Variants in SLC28A1 observed in about 807,000 individuals in gnomAD.
The protein encoded by SLC28A1 is solute carrier family 28 member 1.
In SLC28A1, 64 loss-of-function variants were observed where a neutral mutation model predicts 74.8. The observed-to-expected ratio is 0.86, with a 90% CI of 0.70 to 1.05. The LOEUF (loss-of-function observed/expected upper bound fraction) is 1.05. Ranked by LOEUF, SLC28A1 falls within the 50% of genes least tolerant of loss-of-function variation. SLC28A1 has a pLI of 0.00. For missense variants in SLC28A1, 828 were observed against 822.8 expected (o/e 1.01, Z -0.08); for synonymous variants, 359 against 335.0 (o/e 1.07, Z -0.78).
chr15:84,894,085 G>C lies in SLC28A1; in HGVS notation c.278-855G>C, dbSNP rs1359804191. On this transcript the variant is annotated intron_variant, in intron 5 of 18. Coordinates refer to ENST00000394573, the MANE Select transcript of SLC28A1 (RefSeq NM_004213.5). ...CTGGATTCTGAAATTCAAAAGCCAG[G>C]GAGAGGCCGGGCGCGGTGGCTTACG... Among the ~76,000 whole-genome samples, 7 of 152,238 alleles carry C rather than the reference G, an allele frequency of 4.6e-5. No homozygotes were observed. The East Asian group carries it at 1.4e-3, about 29-fold the overall frequency.
chr15:84,913,631 A>G (rs1968667470), intron 9 of SLC28A1, among the ~76,000 whole-genome samples: 1 of 152,252 alleles, frequency 6.6e-6, no homozygotes, highest in Non-Finnish European at 1.5e-5. Flanking sequence ...CCACTGGCCT[A>G]GAAGAGCTAG....
chr15:84,926,750 G>C (rs1970552931), intron 12 of SLC28A1, among the ~76,000 whole-genome samples: 2 of 140,916 alleles, frequency 1.4e-5, no homozygotes, highest in Admixed American at 7.1e-5. Flanking sequence ...CCTGCCTTCT[G>C]GCTCTCTGCC....
At chr15:84,901,463 T>C (rs4644833) in intron 6 of SLC28A1, among the ~76,000 whole-genome samples, 48,242 of 151,936 alleles carry the variant, frequency 0.32, 8,779 homozygotes, top group South Asian at 0.56. Flanking sequence ...GCCAGGATCT[T>C]GTGCCTCTGC....
In SLC28A1 at chr15:84,888,753, G is replaced by C. The variant is rs754536603; in HGVS notation, c.97-19G>C. 6 of 1,545,012 alleles carry C rather than the reference G, an allele frequency of 3.9e-6. No individual in the cohort carries two copies. Among genetic ancestry groups the C allele is most frequent in the Non-Finnish European group, 5.3e-6 (6 of 1,141,356 alleles). ...TGGGTAAGGGGCAGGCCGACCTGACGGCTCCCTGCGGGCTGTAGGAGGAAG... is the reference window on the plus strand; with the variant it reads ...TGGGTAAGGGGCAGGCCGACCTGACCGCTCCCTGCGGGCTGTAGGAGGAAG... On this transcript the variant is annotated intron_variant, in intron 3 of 18. Coordinates refer to ENST00000394573, the MANE Select transcript of SLC28A1 (RefSeq NM_004213.5).
At chr15:84,923,287 C>T (rs183838564) in intron 11 of SLC28A1, among the ~76,000 whole-genome samples, 76 of 152,246 alleles carry the variant, frequency 5.0e-4, no homozygotes, top group African/African-American at 1.7e-3. Context: ...CACATATCTT[C>T]ATAGCTTTCA....
intron 12 of SLC28A1, among the ~76,000 whole-genome samples, chr15:84,931,721 C>T (rs1045236576): frequency 1.4e-4 from 20 of 147,832 alleles, no homozygotes; most frequent in Non-Finnish European, 2.5e-4. Context: ...AAAAGAAAAT[C>T]GGCCGGGGAT....
At chr15:84,906,573 T>TGCTTCCTTCCTTC (rs1567140724) in intron 8 of SLC28A1, among the ~76,000 whole-genome samples, 1 of 97,978 alleles carries the variant, frequency 1.0e-5, no homozygotes, top group African/African-American at 3.6e-5. Context: ...TCTCTTTCTT[T>TGCTTCCTTCCTTC]CTTCCTTCCT....
chr15:84,908,593 C>CT, intron 8 of SLC28A1, 125 bp from the exon 9 acceptor site: 1 of 772,672 alleles, frequency 1.3e-6, no homozygotes, highest in South Asian at 1.4e-5. Context: ...TGGTGCCCCC[C>CT]CCCGGATAAG....
chr15:84,950,671 C>G (rs2079389421), downstream of SLC28A1, among the ~76,000 whole-genome samples: 1 of 152,126 alleles, frequency 6.6e-6, no homozygotes, highest in Non-Finnish European at 1.5e-5. Context: ...CACCACTGCA[C>G]TCCAGCCTGG....
At chr15:84,930,025 G>T (rs1015972808) in intron 12 of SLC28A1, among the ~76,000 whole-genome samples, 48 of 152,234 alleles carry the variant, frequency 3.2e-4, no homozygotes, top group African/African-American at 1.2e-3. Flanking sequence ...AGGGAGCCCT[G>T]CCTGTGCAGG....
At chr15:84,939,814 A>G (rs533366539) in intron 15 of SLC28A1, 2 of 152,200 alleles carry the variant, frequency 1.3e-5, no homozygotes, top group South Asian at 2.1e-4. Flanking sequence ...TGAGTGGTAT[A>G]TATGTATGTA....
At chr15:84,961,310 T>G in the SLC28A1 span, among the ~76,000 whole-genome samples, 1 of 151,838 alleles carries the variant, frequency 6.6e-6, no homozygotes, top group Non-Finnish European at 1.5e-5. Flanking sequence ...CTCAGGTGAC[T>G]CATTCTGTGA....
intron 16 of SLC28A1, among the ~76,000 whole-genome samples, chr15:84,943,978 C>T (rs1367704998): frequency 6.6e-6 from 1 of 152,134 alleles, no homozygotes; most frequent in African/African-American, 2.4e-5. Context: ...TTCTCTGCTG[C>T]TGCTGGTGGC....
At chr15:84,950,342 C>T (rs1237108659), downstream of SLC28A1, among the ~76,000 whole-genome samples, 1 of 145,112 alleles carries the variant, frequency 6.9e-6, no homozygotes. Flanking sequence ...GCTGGCTGTC[C>T]TCCAGTCGCC....
intron 5 of SLC28A1, 74 bp downstream of exon 5, chr15:84,890,608 A>G: frequency 2.5e-6 from 3 of 1,183,686 alleles, no homozygotes; most frequent in South Asian, 2.6e-5. Flanking sequence ...GGGCAGGGTC[A>G]TTCACTCACC....
intron 5 of SLC28A1, among the ~76,000 whole-genome samples, chr15:84,892,292 C>T (rs562794442): frequency 2.6e-5 from 4 of 152,204 alleles, no homozygotes; most frequent in East Asian, 1.9e-4. Context: ...GTGAGAGAGG[C>T]GACAGCAATG....
chr15:84,964,123 C>G, the SLC28A1 span, among the ~76,000 whole-genome samples: 1 of 152,174 alleles, frequency 6.6e-6, no homozygotes, highest in African/African-American at 2.4e-5. Context: ...CCTGTCATAC[C>G]TTGTGAAGTC....
chr15:84,888,902 G>T, intron 4 of SLC28A1, 42 bp downstream of exon 4: 1 of 1,413,316 alleles, frequency 7.1e-7, no homozygotes, highest in Non-Finnish European at 9.8e-7. Flanking sequence ...CTGGGGTGGA[G>T]GCTGCTTGGG....
In SLC28A1 at chr15:84,925,408, G is replaced by A. The variant is rs537308362; in HGVS notation, c.1083+1298G>A. ...GAGGTCAGGAATTTGAGAGCAGCCCGGCCAACATGGTGAAATCTCATCTCT... is the reference window on the plus strand; with the variant it reads ...GAGGTCAGGAATTTGAGAGCAGCCCAGCCAACATGGTGAAATCTCATCTCT... On this transcript the variant is annotated intron_variant, in intron 12 of 18. Coordinates refer to ENST00000394573, the MANE Select transcript of SLC28A1 (RefSeq NM_004213.5). Among the ~76,000 whole-genome samples, 8 of 152,050 alleles carry A rather than the reference G, an allele frequency of 5.3e-5. No homozygotes were observed. In the South Asian group the frequency reaches 6.2e-4, roughly 12 times the overall value.
Sources: gnomAD v4.1 joint callset for allele counts (sites outside exome capture counted in the v4.1 genomes callset) on GRCh38, gnomAD v4.1.1 for gene constraint, MANE v1.5 for transcripts, NCBI Gene and HGNC (gene_info 2026-07-23, HGNC 2026-07-21) for gene names.